TRMT11: variants seen among roughly 807,000 people sequenced by gnomAD.
TRMT11 encodes tRNA methyltransferase 11.
A neutral mutation model predicts 62.8 loss-of-function variants in TRMT11; 53 were observed. The ratio of observed to expected loss-of-function variants is 0.84; its 90% CI spans 0.68 to 1.06. The LOEUF is 1.06. Among genes scored for constraint, TRMT11 ranks in the 50% least tolerant of loss-of-function variants. TRMT11 has a pLI of 0.00. For missense variants in TRMT11, 556 were observed against 553.4 expected (o/e 1.00, Z -0.05); for synonymous variants, 188 against 190.3 (o/e 0.99, Z 0.10).
intron 21 of TRMT11, among the ~76,000 whole-genome samples, chr6:126,128,258 G>T (rs1323180840): frequency 6.6e-6 from 1 of 151,982 alleles, no homozygotes; most frequent in Non-Finnish European, 1.5e-5. Context: ...TCTAATTCTA[G>T]ACCCCAATTT....
chr6:126,062,286 G>C (rs1420795147), intron 17 of TRMT11, among the ~76,000 whole-genome samples: 2 of 152,228 alleles, frequency 1.3e-5, no homozygotes, highest in Non-Finnish European at 2.9e-5. Flanking sequence ...TATAGTTCAT[G>C]TTGTGGAAAA....
intron 17 of TRMT11, among the ~76,000 whole-genome samples, chr6:126,097,616 AT>A (rs145109713): frequency 4.0e-5 from 6 of 150,736 alleles, no homozygotes; most frequent in South Asian, 4.2e-4. Context: ...TGGTTCAGGA[AT>A]TTTTTTTTTA....
intron 21 of TRMT11, among the ~76,000 whole-genome samples, chr6:126,160,016 C>T (rs1055725112): frequency 1.4e-4 from 21 of 152,146 alleles, no homozygotes; most frequent in African/African-American, 4.1e-4. Flanking sequence ...TCTCTTACCT[C>T]GGGTGTTTTA....
At chr6:126,080,572 T>G (rs1386631840) in intron 17 of TRMT11, among the ~76,000 whole-genome samples, 1 of 152,158 alleles carries the variant, frequency 6.6e-6, no homozygotes, top group African/African-American at 2.4e-5. Flanking sequence ...ACTATAAATC[T>G]TCATCCACGT....
chr6:126,252,749 A>G, the TRMT11 span, among the ~76,000 whole-genome samples: 1 of 152,228 alleles, frequency 6.6e-6, no homozygotes, highest in Non-Finnish European at 1.5e-5. Flanking sequence ...AGTGATGCAT[A>G]AATGACTCAA....
At chr6:126,055,746 C>G (rs1460872693) in intron 17 of TRMT11, among the ~76,000 whole-genome samples, 1 of 152,112 alleles carries the variant, frequency 6.6e-6, no homozygotes, top group East Asian at 1.9e-4. Context: ...ATGTTTCCTC[C>G]CATAAAGTTC....
intron 17 of TRMT11, among the ~76,000 whole-genome samples, chr6:126,092,907 A>G (rs767611460): frequency 3.3e-5 from 5 of 152,190 alleles, no homozygotes; most frequent in Non-Finnish European, 7.3e-5. Context: ...GCTTATCTTG[A>G]TGGAGACAAA....
At chr6:126,226,988 T>C in the TRMT11 span, among the ~76,000 whole-genome samples, 2 of 152,214 alleles carry the variant, frequency 1.3e-5, no homozygotes, top group African/African-American at 4.8e-5. Flanking sequence ...CCACCATCTA[T>C]GTAAGTTCCT....
chr6:126,093,610 T>C (rs1396262284), intron 17 of TRMT11, among the ~76,000 whole-genome samples: 1 of 95,320 alleles, frequency 1.0e-5, no homozygotes, highest in African/African-American at 5.8e-5. Flanking sequence ...TATATATATA[T>C]ATATATATAT....
intron 21 of TRMT11, among the ~76,000 whole-genome samples, chr6:126,121,562 T>A (rs1386258874): frequency 4.6e-5 from 7 of 152,098 alleles, no homozygotes; most frequent in African/African-American, 1.7e-4. Context: ...TGGGTTAATG[T>A]TCTATCTTCT....
chr6:126,192,261 A>G (rs1395476847), intron 1 of TRMT11, among the ~76,000 whole-genome samples: 1 of 152,130 alleles, frequency 6.6e-6, no homozygotes, highest in Non-Finnish European at 1.5e-5. Context: ...GTTAACAAAT[A>G]GAAACTATTG....
chr6:126,019,094 G>C (rs1795427870), intron 11 of TRMT11, among the ~76,000 whole-genome samples: 1 of 152,028 alleles, frequency 6.6e-6, no homozygotes, highest in Non-Finnish European at 1.5e-5. Context: ...TGGCCAGGCT[G>C]GTCTTGAACT....
intron 7 of TRMT11, 53 bp downstream of exon 7, chr6:125,999,666 A>G: frequency 6.8e-7 from 1 of 1,470,252 alleles, no homozygotes; most frequent in African/African-American, 1.4e-5. Flanking sequence ...ATTTATATTA[A>G]TGAAGGTCAT....
rs545694840 is a variant in TRMT11, at chr6:126,026,728, T to A, written c.1260+5448T>A. The stretch of plus-strand genomic sequence containing the variant: ...TGAGTGACATATTACTAGTTTTTTT[T>A]AAAGATAGTCTTTCCTTGTCCTGCT... On this transcript the variant is annotated intron_variant, in intron 12 of 12. Transcript: ENST00000334379. Among the ~76,000 whole-genome samples the A allele has an allele frequency of 3.2e-4, 49 of 152,012 alleles. 1 individual carries two copies. In the East Asian group the frequency reaches 8.9e-3, roughly 28 times the overall value.
intron 17 of TRMT11, among the ~76,000 whole-genome samples, chr6:126,105,584 C>G (rs1359700935): frequency 6.6e-6 from 1 of 150,768 alleles, no homozygotes; most frequent in Non-Finnish European, 1.5e-5. Context: ...CATGCATGAT[C>G]TTTAAGATTG....
chr6:126,237,082 A>G, the TRMT11 span, among the ~76,000 whole-genome samples: 1 of 152,018 alleles, frequency 6.6e-6, no homozygotes, highest in Non-Finnish European at 1.5e-5. Context: ...AGAGAGAGAG[A>G]GAGAGAGAGA....
At chr6:125,990,341 A>G (rs940959534) in intron 1 of TRMT11, among the ~76,000 whole-genome samples, 6 of 152,322 alleles carry the variant, frequency 3.9e-5, no homozygotes, top group Admixed American at 2.6e-4. Flanking sequence ...TTCAGGTGTT[A>G]AGCCCTGTTT....
At chr6:126,207,237 G>A (rs548947514), downstream of TRMT11, among the ~76,000 whole-genome samples, 2 of 152,286 alleles carry the variant, frequency 1.3e-5, no homozygotes, top group African/African-American at 4.8e-5. Flanking sequence ...GACCCACCCT[G>A]AGACAGAGGT....
At chr6:126,224,606 C>T in the TRMT11 span, among the ~76,000 whole-genome samples, 10 of 152,286 alleles carry the variant, frequency 6.6e-5, no homozygotes, top group South Asian at 2.1e-4. Context: ...GGTGGCAGCA[C>T]GGCCCATGCT....
Sources: allele counts gnomAD v4.1 joint callset (sites outside exome capture counted in the v4.1 genomes callset), GRCh38; gene constraint gnomAD v4.1.1; transcripts MANE v1.5; gene names NCBI Gene and HGNC (gene_info 2026-07-23, HGNC 2026-07-21).